Variants in PDE1A observed in about 807,000 individuals in gnomAD.
PDE1A encodes phosphodiesterase 1A.
Under a neutral mutation model 61.7 loss-of-function variants are expected in PDE1A, and 35 were observed. The observed-to-expected ratio is 0.57, with a 90% CI of 0.43 to 0.75. The LOEUF is 0.75. Among genes scored for constraint, PDE1A ranks in the 30% least tolerant of loss-of-function variants. The probability of loss-of-function intolerance (pLI) is 0.00; values close to 1 mark genes in which losing one functional copy is unlikely to be tolerated. For synonymous variants in PDE1A, 232 were observed against 213.2 expected, an observed-to-expected ratio of 1.09 and a Z score of -0.77; for missense variants, 597 against 630.6, an observed-to-expected ratio of 0.95 and a Z score of 0.57.
chr2:182,241,315 A>G (rs1292052145), intron 2 of PDE1A, among the ~76,000 whole-genome samples: 1 of 152,164 alleles, frequency 6.6e-6, no homozygotes, highest in South Asian at 2.1e-4. Flanking sequence ...CTGTGCACCA[A>G]TCTAAAAACT....
intron 2 of PDE1A, among the ~76,000 whole-genome samples, chr2:182,254,729 T>C (rs1691652250): frequency 6.6e-6 from 1 of 152,158 alleles, no homozygotes; most frequent in Non-Finnish European, 1.5e-5. Context: ...AATCAAGGGC[T>C]TTCCACCACA....
rs773934648 is a variant in PDE1A at position 182,189,068 on chromosome 2, A to G, written c.1126-8T>C. On this transcript the variant is annotated splice_polypyrimidine_tract_variant and splice_region_variant and intron_variant, in intron 10 of 13. Coordinates refer to ENST00000351439, the Ensembl canonical transcript of PDE1A. ...TTCAGCTTCTTTATCTCCCTGGAGA[A>G]AGAAAAGCACATTAATATAGACTTG... 1.9e-5 allele frequency: 30 copies of G among 1,600,332 alleles called. No homozygotes were observed. Among genetic ancestry groups the G allele is most frequent in the Non-Finnish European group, 2.6e-5 (30 of 1,168,330 alleles).
At chr2:182,169,965 TACACAC>T (rs5836829) in intron 13 of PDE1A, among the ~76,000 whole-genome samples, 93 of 146,032 alleles carry the variant, frequency 6.4e-4, no homozygotes, top group Admixed American at 1.4e-3. Flanking sequence ...TTCTCTTTCA[TACACAC>T]ACACACACAC....
the PDE1A span, among the ~76,000 whole-genome samples, chr2:182,713,428 C>T: frequency 1.3e-5 from 2 of 152,024 alleles, no homozygotes; most frequent in Admixed American, 6.6e-5. Flanking sequence ...GTCAGGAGTT[C>T]GAGACCAGCC....
At chr2:182,381,784 C>G (rs1162504015) in intron 1 of PDE1A, among the ~76,000 whole-genome samples, 2 of 151,916 alleles carry the variant, frequency 1.3e-5, no homozygotes, top group East Asian at 3.9e-4. Flanking sequence ...TGCACTCCAG[C>G]CTGGGTGACA....
At chr2:182,701,894 G>A in the PDE1A span, among the ~76,000 whole-genome samples, 1 of 152,094 alleles carries the variant, frequency 6.6e-6, no homozygotes, top group African/African-American at 2.4e-5. Flanking sequence ...TCATTGTTTA[G>A]ATAATGCCTG....
chr2:182,186,215 C>A, intron 12 of PDE1A, 136 bp from the exon 13 acceptor site: 1 of 891,132 alleles, frequency 1.1e-6, no homozygotes. Context: ...CACGTGGCAG[C>A]TGCTCATCTC....
the PDE1A span, among the ~76,000 whole-genome samples, chr2:182,585,464 A>G: frequency 6.6e-6 from 1 of 152,190 alleles, no homozygotes; most frequent in East Asian, 1.9e-4. Flanking sequence ...GATTTGTCTT[A>G]AGAACTACCT....
At chr2:182,236,430 G>C (rs1690022787) in intron 3 of PDE1A, among the ~76,000 whole-genome samples, 1 of 151,802 alleles carries the variant, frequency 6.6e-6, no homozygotes, top group African/African-American at 2.4e-5. Flanking sequence ...AGGGGAAATG[G>C]AAGGATGATG....
At chr2:182,257,481 C>T (rs1358760530) in intron 2 of PDE1A, among the ~76,000 whole-genome samples, 2 of 152,160 alleles carry the variant, frequency 1.3e-5, no homozygotes, top group Non-Finnish European at 2.9e-5. Flanking sequence ...TAAGGGCTCT[C>T]CTTTGGCATT....
chr2:182,463,213 T>A (rs550337431), intron 2 of PDE1A, among the ~76,000 whole-genome samples: 2 of 151,990 alleles, frequency 1.3e-5, no homozygotes, highest in South Asian at 4.2e-4. Context: ...CACTCCAGCC[T>A]GGGTGACAAA....
At chr2:182,433,062 C>T (rs1704036121) in intron 2 of PDE1A, among the ~76,000 whole-genome samples, 1 of 151,980 alleles carries the variant, frequency 6.6e-6, no homozygotes, top group South Asian at 2.1e-4. Context: ...TGTCTAGGAC[C>T]CCCAGCCTCC....
the PDE1A span, among the ~76,000 whole-genome samples, chr2:182,667,684 A>C: frequency 6.6e-6 from 1 of 152,212 alleles, no homozygotes; most frequent in Non-Finnish European, 1.5e-5. Context: ...CAGATTGTAA[A>C]TATTTTAGGC....
downstream of PDE1A, among the ~76,000 whole-genome samples, chr2:182,145,953 T>C (rs778999555): frequency 6.6e-6 from 1 of 152,192 alleles, no homozygotes; most frequent in Admixed American, 6.5e-5. Flanking sequence ...GAACTAATAA[T>C]AACATCTCTA....
In PDE1A at chr2:182,403,842, G is replaced by A. The variant is rs182670406; in HGVS notation, c.53+22736C>T. ...ACACTGGGTCCTGTCAGGGGGTGGGGGGCTAGGCAAGGGATAGCATTAGGA... is the reference window on the plus strand; with the variant it reads ...ACACTGGGTCCTGTCAGGGGGTGGGAGGCTAGGCAAGGGATAGCATTAGGA... On this transcript the variant is annotated intron_variant, in intron 1 of 13. Coordinates refer to ENST00000351439, the Ensembl canonical transcript of PDE1A. Among the ~76,000 whole-genome samples the A allele has an allele frequency of 2.2e-3, 331 of 152,064 alleles. 4 individuals carry two copies. The South Asian group carries it at 0.032, about 15-fold the overall frequency.
the PDE1A span, among the ~76,000 whole-genome samples, chr2:182,607,523 A>T: frequency 1.3e-5 from 2 of 152,180 alleles, no homozygotes; most frequent in Non-Finnish European, 2.9e-5. Flanking sequence ...TCAGAACTGC[A>T]GAACCCACAT....
chr2:182,558,197 G>C, the PDE1A span, among the ~76,000 whole-genome samples: 2 of 150,850 alleles, frequency 1.3e-5, no homozygotes, highest in Non-Finnish European at 2.9e-5. Context: ...GGATGTGCAG[G>C]ATTCTCAAAG....
intron 2 of PDE1A, among the ~76,000 whole-genome samples, chr2:182,501,335 GA>G (rs1689071370): frequency 6.6e-6 from 1 of 152,166 alleles, no homozygotes; most frequent in Non-Finnish European, 1.5e-5. Context: ...CAAGGTGAAG[GA>G]AAAACCCTGT....
intron 2 of PDE1A, among the ~76,000 whole-genome samples, chr2:182,475,670 T>A (rs1687310167): frequency 6.6e-6 from 1 of 151,962 alleles, no homozygotes; most frequent in Non-Finnish European, 1.5e-5. Flanking sequence ...ACAAAACACT[T>A]CTCAAACATA....
Sources: allele counts gnomAD v4.1 joint callset (sites outside exome capture counted in the v4.1 genomes callset), GRCh38; gene constraint gnomAD v4.1.1; transcripts MANE v1.5; gene names NCBI Gene and HGNC (gene_info 2026-07-23, HGNC 2026-07-21).